IFTAP: variants seen among roughly 807,000 people sequenced by gnomAD.
The protein encoded by IFTAP is intraflagellar transport-associated protein.
In IFTAP, 19 loss-of-function variants were observed where a neutral mutation model predicts 19.4. The observed-to-expected ratio is 0.98, with a 90% CI of 0.68 to 1.44. The LOEUF is 1.44. Ranked by LOEUF, IFTAP falls within the 40% of genes most tolerant of loss-of-function variation. The pLI is 0.00. For missense variants in IFTAP, 240 were observed against 253.6 expected (o/e 0.95, Z 0.36); for synonymous variants, 85 against 83.5 (o/e 1.02, Z -0.10).
intron 2 of IFTAP, among the ~76,000 whole-genome samples, chr11:36,616,891 T>A (rs1852112561): frequency 6.6e-6 from 1 of 151,778 alleles, no homozygotes; most frequent in African/African-American, 2.4e-5. Flanking sequence ...GATATTCAAT[T>A]CATTTATTAG....
chr11:36,605,500 T>G (rs1851662843), intron 1 of IFTAP, among the ~76,000 whole-genome samples: 1 of 152,224 alleles, frequency 6.6e-6, no homozygotes. Context: ...GTATCATATT[T>G]CATAATAATG....
At chr11:36,611,637 GATATA>G (rs1181260186) in intron 2 of IFTAP, among the ~76,000 whole-genome samples, 6 of 152,008 alleles carry the variant, frequency 3.9e-5, no homozygotes, top group South Asian at 2.1e-4. Context: ...TATCAGGCAA[GATATA>G]ATATAATTGA....
At chr11:36,641,372 A>G (rs1244597629) in intron 4 of IFTAP, among the ~76,000 whole-genome samples, 1 of 152,190 alleles carries the variant, frequency 6.6e-6, no homozygotes, top group Admixed American at 6.5e-5. Context: ...GAGTGTTGAT[A>G]GACATAACCC....
chr11:36,653,763 T>C (rs1427950635), intron 5 of IFTAP, among the ~76,000 whole-genome samples: 1 of 152,150 alleles, frequency 6.6e-6, no homozygotes, highest in Non-Finnish European at 1.5e-5. Flanking sequence ...CTCATGCATG[T>C]CATCATAAGC....
chr11:36,611,868 A>T (rs1382611570), intron 2 of IFTAP, among the ~76,000 whole-genome samples: 1 of 152,064 alleles, frequency 6.6e-6, no homozygotes, highest in African/African-American at 2.4e-5. Context: ...GCTTTGTTCG[A>T]GACTAATGAT....
At chr11:36,611,630 C>G (rs1851878332) in intron 2 of IFTAP, among the ~76,000 whole-genome samples, 1 of 152,084 alleles carries the variant, frequency 6.6e-6, no homozygotes, top group South Asian at 2.1e-4. Context: ...TTTCTTTTAT[C>G]AGGCAAGATA....
In IFTAP at chr11:36,655,785, G is replaced by A. The variant is rs575435635; in HGVS notation, c.499-3234G>A. 4.6e-5 allele frequency among the ~76,000 whole-genome samples: 7 copies of A among 152,064 alleles called. No individual in the cohort carries two copies. The South Asian group carries it at 6.2e-4, about 14-fold the overall frequency. ...GCTGTTGATAACCCTTAATTTCTTA[G>A]TGAAGAAATTTATATTTTTAATTAT... is the stretch of plus-strand genomic sequence containing the variant. On this transcript the variant is annotated intron_variant, in intron 5 of 5. Transcript: ENST00000334307.
intron 2 of IFTAP, among the ~76,000 whole-genome samples, chr11:36,626,945 A>T (rs1309877740): frequency 6.6e-6 from 1 of 151,162 alleles, no homozygotes; most frequent in Non-Finnish European, 1.5e-5. Context: ...AACACTCCAA[A>T]TGTTTATCAA....
At chr11:36,598,683 C>T (rs1420845289) in intron 1 of IFTAP, among the ~76,000 whole-genome samples, 1 of 152,140 alleles carries the variant, frequency 6.6e-6, no homozygotes, top group East Asian at 1.9e-4. Flanking sequence ...CAGGCAGCTA[C>T]TGAGTAATAA....
intron 2 of IFTAP, among the ~76,000 whole-genome samples, chr11:36,616,743 T>G (rs1458565521): frequency 6.6e-6 from 1 of 151,992 alleles, no homozygotes; most frequent in Non-Finnish European, 1.5e-5. Context: ...TTTGTGATCA[T>G]ACAGGCCTGC....
rs150607644 is a variant in IFTAP, at chr11:36,637,478, G to A, written c.358+1361G>A. Among the ~76,000 whole-genome samples, 234 of 152,272 alleles carry A rather than the reference G, an allele frequency of 1.5e-3. 1 individual carries two copies. The highest frequency in any genetic ancestry group is 5.3e-3 in the African/African-American group (219 of 41,548). On this transcript the variant is annotated intron_variant, in intron 4 of 5. Coordinates refer to ENST00000334307, the MANE Select transcript of IFTAP (RefSeq NM_138787.4). ...AAAGGGACTCCAGTTGGATTAGAAG[G>A]GAGAGCTAAGGACTTGTCAGGAAGC...
intron 4 of IFTAP, among the ~76,000 whole-genome samples, chr11:36,637,998 A>G (rs1457234876): frequency 1.3e-5 from 2 of 151,976 alleles, no homozygotes; most frequent in East Asian, 3.9e-4. Flanking sequence ...CTCCTGCCTC[A>G]GCCTCCCAAG....
rs575219482 is a variant in IFTAP, at chr11:36,613,905, T to A, written c.136+3666T>A. On this transcript the variant is annotated intron_variant, in intron 2 of 5. Transcript: ENST00000334307. ...TTTAGAGTTACTTCTTTTTTTGTTGTTGTTGAGTTTTCTTTTTTTTTTTTA... is the reference window on the plus strand; with the variant it reads ...TTTAGAGTTACTTCTTTTTTTGTTGATGTTGAGTTTTCTTTTTTTTTTTTA... 2.3e-3 allele frequency among the ~76,000 whole-genome samples: 346 copies of A among 150,598 alleles called. 3 individuals carry two copies. The highest frequency in any genetic ancestry group is 7.9e-3 in the African/African-American group (321 of 40,646).
chr11:36,598,894 G>T (rs1048641879), intron 1 of IFTAP, among the ~76,000 whole-genome samples: 1 of 152,108 alleles, frequency 6.6e-6, no homozygotes, highest in Non-Finnish European at 1.5e-5. Flanking sequence ...AAAAGTTGTC[G>T]GGAAAAGATT....
At chr11:36,633,668 A>G (rs1353720072) in intron 3 of IFTAP, among the ~76,000 whole-genome samples, 4 of 152,094 alleles carry the variant, frequency 2.6e-5, no homozygotes, top group African/African-American at 4.8e-5. Flanking sequence ...TTTGTTCAAA[A>G]GTTCTTAAGG....
rs374128984 is a variant in IFTAP at position 36,636,047 on chromosome 11, C to G, written c.292-4C>G. 1 of 1,590,006 alleles carries G rather than the reference C, an allele frequency of 6.3e-7. No individual in the cohort carries two copies. Among genetic ancestry groups the G allele is most frequent in the Non-Finnish European group, 8.6e-7 (1 of 1,158,674 alleles). On this transcript the variant is annotated splice_polypyrimidine_tract_variant and splice_region_variant and intron_variant, in intron 3 of 5. Coordinates refer to ENST00000334307, the MANE Select transcript of IFTAP (RefSeq NM_138787.4). ...TTAAAAATTATGTTAATTCTTTTTT[C>G]TAGGTAGATAATTTCCTAGATTTAG... is the stretch of plus-strand genomic sequence containing the variant.
At chr11:36,650,416 A>G (rs965524504) in intron 5 of IFTAP, among the ~76,000 whole-genome samples, 3 of 151,852 alleles carry the variant, frequency 2.0e-5, no homozygotes, top group Admixed American at 1.3e-4. Flanking sequence ...GTATGTATTT[A>G]TGGGGTATAG....
chr11:36,646,883 G>T (rs1207550050), intron 4 of IFTAP, among the ~76,000 whole-genome samples: 2 of 152,114 alleles, frequency 1.3e-5, no homozygotes, highest in Non-Finnish European at 2.9e-5. Flanking sequence ...CATAGTCTAA[G>T]ATTTCAGTAA....
rs567548194 is a variant in IFTAP, at chr11:36,626,615, T to A, written c.137-6669T>A. The stretch of plus-strand genomic sequence containing the variant: ...GTGAGATCCCTGCTCTCCTTAGGGA[T>A]ACATTTTTGTGGGAATAGACAAGCA... On this transcript the variant is annotated intron_variant, in intron 2 of 5. Coordinates refer to ENST00000334307, the MANE Select transcript of IFTAP (RefSeq NM_138787.4). Among the ~76,000 whole-genome samples the A allele has an allele frequency of 1.4e-4, 21 of 151,434 alleles. No individual in the cohort carries two copies. The East Asian group carries it at 3.5e-3, about 25-fold the overall frequency.
Sources: gnomAD v4.1 joint callset for allele counts (sites outside exome capture counted in the v4.1 genomes callset) on GRCh38, gnomAD v4.1.1 for gene constraint, MANE v1.5 for transcripts, NCBI Gene and HGNC (gene_info 2026-07-23, HGNC 2026-07-21) for gene names.